IMMP2L: variants seen among roughly 807,000 people sequenced by gnomAD.
IMMP2L encodes the protein inner mitochondrial membrane peptidase subunit 2.
A neutral mutation model predicts 19.3 loss-of-function variants in IMMP2L; 18 were observed. The observed-to-expected ratio is 0.93, with a 90% CI of 0.64 to 1.38. The LOEUF is 1.38. IMMP2L is among the 40% of genes most tolerant of loss of function. The pLI is 0.00. For synonymous variants in IMMP2L, 76 were observed against 73.0 expected (o/e 1.04, Z -0.21); for missense variants, 233 against 218.2 (o/e 1.07, Z -0.43).
At chr7:111,168,855 C>T (rs966096720) in intron 3 of IMMP2L, among the ~76,000 whole-genome samples, 3 of 151,856 alleles carry the variant, frequency 2.0e-5, no homozygotes, top group Admixed American at 6.6e-5. Context: ...AAATTGGTAT[C>T]AGTTTGCAAG....
chr7:111,385,682 G>A (rs538902751), intron 3 of IMMP2L, among the ~76,000 whole-genome samples: 48 of 152,162 alleles, frequency 3.2e-4, no homozygotes, highest in African/African-American at 1.1e-3. Context: ...TGGTTACTTG[G>A]CTGTCATAAG....
chr7:111,151,573 A>G (rs1439583834), intron 3 of IMMP2L, among the ~76,000 whole-genome samples: 1 of 152,156 alleles, frequency 6.6e-6, no homozygotes, highest in African/African-American at 2.4e-5. Flanking sequence ...CCAAAACGTA[A>G]CATGTGGACC....
chr7:111,050,735 A>C (rs753713083), intron 3 of IMMP2L, among the ~76,000 whole-genome samples: 1 of 152,198 alleles, frequency 6.6e-6, no homozygotes, highest in African/African-American at 2.4e-5. Context: ...TTTGGGTTCA[A>C]CTACATTTGT....
chr7:111,507,345 C>T (rs1003942735), intron 2 of IMMP2L, among the ~76,000 whole-genome samples: 3 of 152,152 alleles, frequency 2.0e-5, no homozygotes, highest in Admixed American at 6.5e-5. Flanking sequence ...TAAAGCTATA[C>T]GAAGCCAGCT....
chr7:111,000,399 A>G (rs1765598693), intron 3 of IMMP2L, among the ~76,000 whole-genome samples: 1 of 152,216 alleles, frequency 6.6e-6, no homozygotes, highest in African/African-American at 2.4e-5. Flanking sequence ...TTTCAGAGCT[A>G]CAAATGTCAA....
chr7:111,254,382 A>G (rs1262057262), intron 3 of IMMP2L, among the ~76,000 whole-genome samples: 1 of 152,146 alleles, frequency 6.6e-6, no homozygotes, highest in Non-Finnish European at 1.5e-5. Context: ...AATATGAGCA[A>G]TAACAAATAT....
chr7:110,887,209 A>G (rs2129545613), intron 4 of IMMP2L, among the ~76,000 whole-genome samples: 1 of 152,252 alleles, frequency 6.6e-6, no homozygotes, highest in Admixed American at 6.5e-5. Context: ...AATCTGAATA[A>G]CTTCTTGTTA....
At chr7:110,997,304 A>T (rs1369230128) in intron 3 of IMMP2L, among the ~76,000 whole-genome samples, 1 of 151,980 alleles carries the variant, frequency 6.6e-6, no homozygotes, top group Non-Finnish European at 1.5e-5. Flanking sequence ...CTGTTGAAGG[A>T]TATTTGGGTT....
At chr7:111,550,848 G>A (rs983752881) in intron 1 of IMMP2L, among the ~76,000 whole-genome samples, 1 of 152,126 alleles carries the variant, frequency 6.6e-6, no homozygotes, top group African/African-American at 2.4e-5. Flanking sequence ...TCCAAAGACA[G>A]GGAAGGAGTC....
At chr7:111,219,354 T>G (rs771984775) in intron 3 of IMMP2L, among the ~76,000 whole-genome samples, 1 of 152,024 alleles carries the variant, frequency 6.6e-6, no homozygotes, top group Non-Finnish European at 1.5e-5. Flanking sequence ...ATGTTCAGAC[T>G]GTTCCCAAGA....
intron 3 of IMMP2L, among the ~76,000 whole-genome samples, chr7:111,397,763 T>G (rs1267981870): frequency 6.6e-6 from 1 of 152,140 alleles, no homozygotes; most frequent in African/African-American, 2.4e-5. Context: ...TTTGTGGCTG[T>G]TTTTTATACA....
intron 3 of IMMP2L, among the ~76,000 whole-genome samples, chr7:111,310,953 G>A (rs377424168): frequency 1.3e-5 from 2 of 152,172 alleles, no homozygotes; most frequent in Non-Finnish European, 2.9e-5. Context: ...AAGGCAAGTA[G>A]GTGAGTAAAA....
chr7:111,173,550 A>G (rs1185851310), intron 3 of IMMP2L, among the ~76,000 whole-genome samples: 1 of 151,616 alleles, frequency 6.6e-6, no homozygotes, highest in Non-Finnish European at 1.5e-5. Context: ...ACTGGTTACA[A>G]CCACAGTGGT....
chr7:110,934,988 C>T (rs980003459), intron 4 of IMMP2L, among the ~76,000 whole-genome samples: 4 of 152,138 alleles, frequency 2.6e-5, no homozygotes, highest in African/African-American at 9.7e-5. Context: ...GGCATTTAGC[C>T]CATCTACATT....
At chr7:110,867,886 G>T (rs1044755831) in intron 5 of IMMP2L, among the ~76,000 whole-genome samples, 1 of 151,988 alleles carries the variant, frequency 6.6e-6, no homozygotes, top group African/African-American at 2.4e-5. Context: ...CTCACATGGA[G>T]GTTTCTGATG....
At chr7:111,273,436 A>G (rs985250715) in intron 3 of IMMP2L, among the ~76,000 whole-genome samples, 1 of 152,094 alleles carries the variant, frequency 6.6e-6, no homozygotes, top group African/African-American at 2.4e-5. Flanking sequence ...ATGAGCTCAT[A>G]GCCTAACAGG....
At chr7:111,142,688 C>A (rs1001920966) in intron 3 of IMMP2L, among the ~76,000 whole-genome samples, 4 of 152,070 alleles carry the variant, frequency 2.6e-5, no homozygotes, top group African/African-American at 7.2e-5. Flanking sequence ...GAGCACATAT[C>A]ATAAAGGTCA....
chr7:111,254,886 G>A (rs1285132785), intron 3 of IMMP2L, among the ~76,000 whole-genome samples: 2 of 151,996 alleles, frequency 1.3e-5, no homozygotes, highest in Non-Finnish European at 2.9e-5. Flanking sequence ...TTGTTTCTGG[G>A]AAAAATCTTC....
chr7:110,765,766 C>T (rs1301420095), intron 5 of IMMP2L, among the ~76,000 whole-genome samples: 1 of 152,138 alleles, frequency 6.6e-6, no homozygotes, highest in African/African-American at 2.4e-5. Context: ...TTATCAATAA[C>T]CTCAAACACT....
Sources: gnomAD v4.1 joint callset for allele counts (sites outside exome capture counted in the v4.1 genomes callset) on GRCh38, gnomAD v4.1.1 for gene constraint, MANE v1.5 for transcripts, NCBI Gene and HGNC (gene_info 2026-07-23, HGNC 2026-07-21) for gene names.